Variants in CNTLN observed in about 807,000 individuals in gnomAD.
CNTLN encodes centlein, centrosomal protein.
CNTLN carries 212 observed loss-of-function variants against 180.0 expected under a neutral mutation model. The observed-to-expected ratio is 1.18, with a 90% CI of 1.05 to 1.32. The LOEUF (loss-of-function observed/expected upper bound fraction) is 1.32. CNTLN is among the 40% of genes most tolerant of loss of function. The pLI, the probability that CNTLN is intolerant of heterozygous loss-of-function variation, is 0.00. For synonymous variants in CNTLN, 722 were observed against 563.1 expected (o/e 1.28, Z -3.99); for missense variants, 2,095 against 1,610.9 (o/e 1.30, Z -5.14).
intron 15 of CNTLN, among the ~76,000 whole-genome samples, chr9:17,398,012 G>GA (rs1034618749): frequency 8.6e-5 from 13 of 151,360 alleles, no homozygotes; most frequent in African/African-American, 1.5e-4. Flanking sequence ...CTTGGATATT[G>GA]AAAAAAATAG....
At chr9:17,431,003 G>A (rs965118949) in intron 18 of CNTLN, among the ~76,000 whole-genome samples, 1 of 152,172 alleles carries the variant, frequency 6.6e-6, no homozygotes, top group East Asian at 1.9e-4. Flanking sequence ...GAATAATGCT[G>A]CAGTAAACAT....
chr9:17,301,441 C>A (rs979576546), intron 7 of CNTLN: 1 of 985,222 alleles, frequency 1.0e-6, no homozygotes, highest in African/African-American at 1.7e-5. Flanking sequence ...GATGTGCTAA[C>A]CTAATAATTG....
At chr9:17,250,715 G>A (rs926082449) in intron 5 of CNTLN, among the ~76,000 whole-genome samples, 3 of 151,934 alleles carry the variant, frequency 2.0e-5, no homozygotes, top group Non-Finnish European at 2.9e-5. Context: ...CACTATTTAT[G>A]TAGTTTTTAT....
chr9:17,491,193 T>C (rs1588106571), intron 25 of CNTLN, among the ~76,000 whole-genome samples: 1 of 152,068 alleles, frequency 6.6e-6, no homozygotes, highest in Non-Finnish European at 1.5e-5. Context: ...AAATAATTAG[T>C]GGAAATTAAG....
At chr9:17,164,940 A>C (rs1474046126) in intron 2 of CNTLN, among the ~76,000 whole-genome samples, 1 of 149,464 alleles carries the variant, frequency 6.7e-6, no homozygotes, top group Admixed American at 6.7e-5. Flanking sequence ...AGTTCAAGTG[A>C]TTCTCCTGCC....
At chr9:17,380,934 A>C (rs1825196096) in intron 13 of CNTLN, among the ~76,000 whole-genome samples, 1 of 152,232 alleles carries the variant, frequency 6.6e-6, no homozygotes, top group South Asian at 2.1e-4. Context: ...ACACAATGCA[A>C]CAAGTGTAAA....
intron 24 of CNTLN, among the ~76,000 whole-genome samples, chr9:17,485,515 A>G (rs982514431): frequency 1.2e-4 from 19 of 152,182 alleles, no homozygotes; most frequent in Admixed American, 1.0e-3. Context: ...TATCACATAT[A>G]GTACCAAATG....
chr9:17,478,315 C>A (rs1312546251), intron 23 of CNTLN, among the ~76,000 whole-genome samples: 3 of 152,062 alleles, frequency 2.0e-5, no homozygotes, highest in African/African-American at 7.2e-5. Context: ...GGCTATTAAC[C>A]TCTATCAGAT....
chr9:17,169,533 G>C (rs1047334797), intron 2 of CNTLN, among the ~76,000 whole-genome samples: 1 of 152,126 alleles, frequency 6.6e-6, no homozygotes, highest in African/African-American at 2.4e-5. Context: ...GTGATTTCAA[G>C]TCTTAGGATT....
chr9:17,394,803 A>G lies in CNTLN; in HGVS notation c.2349A>G (p.Ala783=), dbSNP rs1483474983. The stretch of plus-strand genomic sequence containing the variant: ...GGAGACAAGTGGCAGAAGCTAATGC[A>G]TTGAGAAATGAAAATGAAGAGCTGA... ...SLRRQVAEAN[A]LRNENEELIN... The change falls in exon 15 of 26, where the codon GCA becomes GCG. Residue 783 remains alanine, a synonymous_variant. Coordinates refer to ENST00000380647, the MANE Select transcript of CNTLN (RefSeq NM_017738.4). 53 of 1,613,948 alleles carry G rather than the reference A, an allele frequency of 3.3e-5. No homozygotes were observed. Among genetic ancestry groups the G allele is most frequent in the Non-Finnish European group, 4.4e-5 (52 of 1,179,998 alleles).
Position 17,364,672 on chromosome 9 carries a change from A to G in CNTLN, c.1887-1945A>G, listed in dbSNP as rs192355354. ...CATTCATGGCTTTGAACTTATTTAT[A>G]TACTTATTGTCTCCATGCTTGACTC... On this transcript the variant is annotated intron_variant, in intron 12 of 25. Transcript: ENST00000380647. Among the ~76,000 whole-genome samples, 795 of 152,266 alleles carry G rather than the reference A, an allele frequency of 5.2e-3. 5 individuals are homozygous for G. The highest frequency in any genetic ancestry group is 8.2e-3 in the Admixed American group (126 of 15,294).
intron 12 of CNTLN, among the ~76,000 whole-genome samples, chr9:17,359,957 C>CTT: frequency 6.6e-6 from 1 of 151,612 alleles, no homozygotes; most frequent in Non-Finnish European, 1.5e-5. Flanking sequence ...TACTAATGGC[C>CTT]AATAAGCACA....
intron 2 of CNTLN, among the ~76,000 whole-genome samples, chr9:17,149,782 G>T (rs1382217290): frequency 2.0e-5 from 3 of 152,040 alleles, no homozygotes; most frequent in Admixed American, 2.0e-4. Context: ...CTCCCAAAGC[G>T]CTGGGATTAC....
At chr9:17,522,487 C>A in the CNTLN span, among the ~76,000 whole-genome samples, 7 of 152,190 alleles carry the variant, frequency 4.6e-5, no homozygotes, top group Non-Finnish European at 8.8e-5. Flanking sequence ...TATGAAATCC[C>A]ATCATACCTC....
chr9:17,438,671 T>C (rs572220763), intron 18 of CNTLN, among the ~76,000 whole-genome samples: 26 of 152,342 alleles, frequency 1.7e-4, no homozygotes, highest in African/African-American at 6.0e-4. Context: ...AATTTGTTAG[T>C]GAACTGGAAA....
chr9:17,252,103 A>G (rs1160308332), intron 5 of CNTLN, among the ~76,000 whole-genome samples: 1 of 151,872 alleles, frequency 6.6e-6, no homozygotes, highest in Non-Finnish European at 1.5e-5. Context: ...CATTATTTAT[A>G]TATACACCAC....
chr9:17,487,118 C>G (rs778776975), intron 25 of CNTLN, 52 bp downstream of exon 25: 7 of 1,247,244 alleles, frequency 5.6e-6, no homozygotes, highest in Non-Finnish European at 8.2e-6. Flanking sequence ...GAATTCCAAG[C>G]CTTACATTTT....
intron 5 of CNTLN, among the ~76,000 whole-genome samples, chr9:17,247,219 T>C (rs563516346): frequency 3.3e-5 from 5 of 152,158 alleles, no homozygotes; most frequent in African/African-American, 1.2e-4. Flanking sequence ...ATTGCAATCC[T>C]TGTGGCCTAG....
At chr9:17,155,377 C>G (rs1217435748) in intron 2 of CNTLN, among the ~76,000 whole-genome samples, 2 of 152,166 alleles carry the variant, frequency 1.3e-5, no homozygotes, top group Non-Finnish European at 2.9e-5. Context: ...AGGTCCGCTG[C>G]TCTCTTTAGA....
Sources: allele counts gnomAD v4.1 joint callset (sites outside exome capture counted in the v4.1 genomes callset), GRCh38; gene constraint gnomAD v4.1.1; transcripts MANE v1.5; gene names NCBI Gene and HGNC (gene_info 2026-07-23, HGNC 2026-07-21).